C12orf54: variants seen among roughly 807,000 people sequenced by gnomAD.
The protein encoded by C12orf54 is chromosome 12 open reading frame 54, also known as uncharacterized protein C12orf54.
In C12orf54, 24 loss-of-function variants were observed where a neutral mutation model predicts 26.4. That is an observed-to-expected ratio of 0.91 (90% confidence interval 0.66 to 1.28). C12orf54 has a LOEUF of 1.28. C12orf54 is among the 50% of genes most tolerant of loss of function. The pLI is 0.00. For synonymous variants in C12orf54, 54 were observed against 47.0 expected (o/e 1.15, Z -0.61); for missense variants, 154 against 150.9 (o/e 1.02, Z -0.11).
the C12orf54 span, among the ~76,000 whole-genome samples, chr12:48,469,718 G>A: frequency 6.6e-6 from 1 of 152,170 alleles, no homozygotes; most frequent in African/African-American, 2.4e-5. Flanking sequence ...TTGCAGTAAA[G>A]ACAGGTGTAA....
rs2137090104 is a variant in C12orf54 at position 48,487,809 on chromosome 12, C to A, written c.135+1083C>A. 3 of 463,922 alleles carry A rather than the reference C, an allele frequency of 6.5e-6. No individual in the cohort carries two copies. The South Asian group carries it at 1.3e-4, about 21-fold the overall frequency. The allele number at this position is 463,922 out of a possible 1,614,324, so 28.7% of individuals were successfully genotyped here. A position where few individuals can be genotyped will look rare whatever the true frequency, so the allele number is the denominator to read the frequency against. ...AACAAGATACAACCATCTTAAAGTT[C>A]TCACACTTTCTCCCAAGGGAGACAA... On this transcript the variant is annotated intron_variant, in intron 4 of 8. Coordinates refer to ENST00000548364, the MANE Select transcript of C12orf54 (RefSeq NM_152319.4).
chr12:48,421,680 C>T, the C12orf54 span, among the ~76,000 whole-genome samples: 1 of 151,996 alleles, frequency 6.6e-6, no homozygotes, highest in South Asian at 2.1e-4. Flanking sequence ...TAGGCGCACG[C>T]CACCACACCT....
intron 2 of C12orf54, among the ~76,000 whole-genome samples, chr12:48,485,850 G>C (rs1206825291): frequency 6.6e-6 from 1 of 152,150 alleles, no homozygotes; most frequent in Admixed American, 6.5e-5. Flanking sequence ...GGTTAGGCGG[G>C]GTGAAGGGTA....
chr12:48,433,991 G>A, the C12orf54 span, among the ~76,000 whole-genome samples: 10 of 152,202 alleles, frequency 6.6e-5, no homozygotes, highest in African/African-American at 1.9e-4. Flanking sequence ...AGCATAAGGG[G>A]TCAGGGAATT....
chr12:48,477,999 T>C (rs1474076254), upstream of C12orf54, among the ~76,000 whole-genome samples: 1 of 152,184 alleles, frequency 6.6e-6, no homozygotes, highest in Non-Finnish European at 1.5e-5. Flanking sequence ...AAATCCTCAA[T>C]AAAATACTGG....
At chr12:48,472,414 A>G in the C12orf54 span, among the ~76,000 whole-genome samples, 3 of 152,230 alleles carry the variant, frequency 2.0e-5, no homozygotes, top group African/African-American at 7.2e-5. Flanking sequence ...GGTACAGCCA[A>G]TACATCTATC....
chr12:48,472,337 G>A, the C12orf54 span, among the ~76,000 whole-genome samples: 17 of 152,294 alleles, frequency 1.1e-4, no homozygotes, highest in Middle Eastern at 3.4e-3. Flanking sequence ...ACAACAGTCC[G>A]TGAGATATAT....
chr12:48,416,279 G>A, the C12orf54 span, among the ~76,000 whole-genome samples: 1 of 152,094 alleles, frequency 6.6e-6, no homozygotes, highest in Non-Finnish European at 1.5e-5. Flanking sequence ...TGACATCATG[G>A]TCTAAAAGTT....
upstream of C12orf54, among the ~76,000 whole-genome samples, chr12:48,477,798 A>G (rs1343253219): frequency 6.6e-6 from 1 of 152,230 alleles, no homozygotes; most frequent in Non-Finnish European, 1.5e-5. Flanking sequence ...ATGGATTCAC[A>G]GCCGAATTCT....
the C12orf54 span, among the ~76,000 whole-genome samples, chr12:48,465,892 C>A: frequency 6.6e-6 from 1 of 152,006 alleles, no homozygotes; most frequent in Non-Finnish European, 1.5e-5. Flanking sequence ...CAAGGGAGAA[C>A]TTCTATCTAT....
chr12:48,440,547 C>T, the C12orf54 span, among the ~76,000 whole-genome samples: 8 of 152,192 alleles, frequency 5.3e-5, no homozygotes, highest in African/African-American at 1.9e-4. Context: ...GCCATTAGCT[C>T]TCTCATGGTC....
intron 6 of C12orf54, among the ~76,000 whole-genome samples, chr12:48,491,135 A>G (rs188733483): frequency 9.0e-4 from 137 of 152,304 alleles, no homozygotes; most frequent in African/African-American, 3.0e-3. Flanking sequence ...TCAGGCTGCT[A>G]GAACGGAATA....
the C12orf54 span, among the ~76,000 whole-genome samples, chr12:48,455,650 G>T: frequency 1.3e-5 from 2 of 152,196 alleles, no homozygotes; most frequent in African/African-American, 2.4e-5. Flanking sequence ...GAGTTGAGCA[G>T]CACCTAAAGA....
At chr12:48,430,387 A>G in the C12orf54 span, among the ~76,000 whole-genome samples, 1 of 152,196 alleles carries the variant, frequency 6.6e-6, no homozygotes, top group South Asian at 2.1e-4. Flanking sequence ...GTAGGATAAA[A>G]TCTTCATAAT....
At chr12:48,471,450 A>C in the C12orf54 span, among the ~76,000 whole-genome samples, 1 of 151,790 alleles carries the variant, frequency 6.6e-6, no homozygotes, top group Admixed American at 6.6e-5. Context: ...TTTGGGGCAT[A>C]TTTTCTAGGA....
intron 6 of C12orf54, 126 bp downstream of exon 6, chr12:48,490,962 C>A: frequency 8.4e-7 from 1 of 1,193,282 alleles, no homozygotes; most frequent in Non-Finnish European, 1.2e-6. Flanking sequence ...GGAGTTCATC[C>A]CAAAGTCTCA....
intron 5 of C12orf54, chr12:48,489,355 G>A: frequency 3.1e-6 from 1 of 320,776 alleles, no homozygotes; most frequent in Non-Finnish European, 6.2e-6. Flanking sequence ...ACCATCTTGG[G>A]TAAATAGAAA....
the C12orf54 span, among the ~76,000 whole-genome samples, chr12:48,452,150 GAACAGAATAGAGAAC>G: frequency 6.6e-6 from 1 of 152,110 alleles, no homozygotes; most frequent in Non-Finnish European, 1.5e-5. Flanking sequence ...TAAATCAATG[GAACAGAATAGAGAAC>G]CCAGAAATAA....
At chr12:48,473,573 A>G in the C12orf54 span, 1 of 302,502 alleles carries the variant, frequency 3.3e-6, no homozygotes, top group Non-Finnish European at 6.5e-6. Context: ...TTGTGAGGGA[A>G]GGGAGGGGAG....
Sources: gnomAD v4.1 joint callset for allele counts (sites outside exome capture counted in the v4.1 genomes callset) on GRCh38, gnomAD v4.1.1 for gene constraint, MANE v1.5 for transcripts, NCBI Gene and HGNC (gene_info 2026-07-23, HGNC 2026-07-21) for gene names.